The following CLIP2 variants were observed in gnomAD, a reference collection of about 807,000 sequenced individuals.
CLIP2 encodes the protein CAP-Gly domain containing linker protein 2, also known as CAP-Gly domain-containing linker protein 2.
Under a neutral mutation model 111.7 loss-of-function variants are expected in CLIP2, and 41 were observed. The observed-to-expected ratio is 0.37, with a 90% CI of 0.29 to 0.48. The LOEUF (loss-of-function observed/expected upper bound fraction) is 0.48. Among genes scored for constraint, CLIP2 ranks in the 20% least tolerant of loss-of-function variants. CLIP2 has a pLI of 0.99. For synonymous variants in CLIP2, 660 were observed against 644.2 expected, an observed-to-expected ratio of 1.02 and a Z score of -0.37; for missense variants, 1,160 against 1,422.1, an observed-to-expected ratio of 0.82 and a Z score of 2.96.
intron 14 of CLIP2, among the ~76,000 whole-genome samples, chr7:74,399,535 CT>C (rs1320207309): frequency 5.8e-5 from 3 of 51,898 alleles, no homozygotes; most frequent in African/African-American, 3.0e-4. Flanking sequence ...GAGACTCAGT[CT>C]TTTTTTGGGG....
chr7:74,402,672 A>G (rs1554317929), intron 16 of CLIP2, among the ~76,000 whole-genome samples: 1 of 152,130 alleles, frequency 6.6e-6, no homozygotes, highest in Non-Finnish European at 1.5e-5. Flanking sequence ...AGCCTTGGTG[A>G]TAAAGTGAGA....
chr7:74,325,482 A>G (rs1789083241), intron 2 of CLIP2, among the ~76,000 whole-genome samples: 2 of 152,062 alleles, frequency 1.3e-5, no homozygotes, highest in African/African-American at 4.8e-5. Context: ...GATGAGCAGG[A>G]GTCGCCCCAG....
intron 11 of CLIP2, among the ~76,000 whole-genome samples, chr7:74,383,127 G>A (rs1790993130): frequency 6.8e-6 from 1 of 147,682 alleles, no homozygotes; most frequent in Non-Finnish European, 1.5e-5. Context: ...TTTAAAAAAT[G>A]TATCCAGTGG....
chr7:74,397,281 G>A, intron 14 of CLIP2, 48 bp downstream of exon 14: 1 of 1,583,612 alleles, frequency 6.3e-7, no homozygotes, highest in Non-Finnish European at 8.6e-7. Flanking sequence ...AGTCCGGGTG[G>A]GGCTGGGCTA....
intron 9 of CLIP2, among the ~76,000 whole-genome samples, chr7:74,373,304 C>T (rs1250987236): frequency 2.6e-5 from 4 of 152,034 alleles, no homozygotes; most frequent in Non-Finnish European, 5.9e-5. Context: ...TCGAGACCAG[C>T]CTGGCCAACA....
intron 13 of CLIP2, chr7:74,389,506 C>T (rs1220424971): frequency 3.1e-6 from 1 of 323,980 alleles, no homozygotes; most frequent in Non-Finnish European, 5.5e-6. Flanking sequence ...CCTGTAATCC[C>T]AGCACTTTGG....
chr7:74,333,342 C>A (rs1554731628), intron 2 of CLIP2, among the ~76,000 whole-genome samples: 5 of 151,302 alleles, frequency 3.3e-5, no homozygotes, highest in African/African-American at 1.2e-4. Flanking sequence ...TGCCACCACG[C>A]CCAGCTAATT....
intron 13 of CLIP2, among the ~76,000 whole-genome samples, chr7:74,390,216 A>AGAAT (rs1554315644): frequency 3.6e-5 from 3 of 82,456 alleles, no homozygotes; most frequent in African/African-American, 1.3e-4. Context: ...AAAGAAAGAA[A>AGAAT]GAAAGAAAGG....
intron 2 of CLIP2, among the ~76,000 whole-genome samples, chr7:74,321,653 A>G (rs1788955884): frequency 6.6e-6 from 1 of 151,998 alleles, no homozygotes; most frequent in Admixed American, 6.6e-5. Flanking sequence ...TATTTTTAGT[A>G]GAGACAGGGT....
chr7:74,339,090 G>T, intron 3 of CLIP2, 86 bp downstream of exon 3: 10 of 1,361,908 alleles, frequency 7.3e-6, no homozygotes, highest in Non-Finnish European at 9.9e-6. Flanking sequence ...ACCCCCCTGG[G>T]CTGGGCAGGG....
At chr7:74,323,715 T>A (rs1554730304) in intron 2 of CLIP2, among the ~76,000 whole-genome samples, 2 of 151,874 alleles carry the variant, frequency 1.3e-5, no homozygotes, top group Non-Finnish European at 2.9e-5. Context: ...CATGAGCCAG[T>A]GCGCCTGGCC....
At chr7:74,385,322 C>T (rs13243672) in intron 11 of CLIP2, among the ~76,000 whole-genome samples, 29,741 of 150,920 alleles carry the variant, frequency 0.2, 3,377 homozygotes, top group Middle Eastern at 0.32. Flanking sequence ...AAAAATTAGC[C>T]AGATGTGGTG....
In CLIP2 at chr7:74,317,645, G is replaced by A. The variant is rs546719302; in HGVS notation, c.99G>A (p.Ala33=). Residue 33 remains alanine, a synonymous_variant, in exon 2 of 17, where the codon GCG becomes GCA. Coordinates refer to ENST00000223398, the MANE Select transcript of CLIP2 (RefSeq NM_003388.5). ...TSTGSASSSA[A]VAASSKEGSP... is the part of the protein sequence containing the mutation. ...CTGGGTCAGCTTCATCCTCGGCGGC[G>A]GTGGCCGCTAGCTCCAAGGAAGGTA... is the stretch of plus-strand genomic sequence containing the variant. 1.8e-4 allele frequency: 270 copies of A among 1,511,418 alleles called. No individual in the cohort carries two copies. Among genetic ancestry groups the A allele is most frequent in the East Asian group, 2.3e-4 (9 of 39,076 alleles). 93.6% of individuals were successfully genotyped at this position (1,511,418 alleles called of 1,614,324 possible).
chr7:74,392,848 T>A (rs1268602860), intron 13 of CLIP2, among the ~76,000 whole-genome samples: 4 of 152,068 alleles, frequency 2.6e-5, no homozygotes, highest in South Asian at 2.1e-4. Flanking sequence ...AACACAATTT[T>A]AAAAAATAAC....
In CLIP2 at chr7:74,338,656, C is replaced by T. The variant is rs782280082; in HGVS notation, c.330C>T (p.Gly110=). The change falls in exon 3 of 17, where the codon GGC becomes GGT. Residue 110 remains glycine, a synonymous_variant. Transcript: ENST00000223398. The surrounding 1 kb of genome is among the most constrained non-coding windows in gnomAD (Gnocchi z 4.3). ...ETQFAPGQWA[G]VVLDDPVGKN... is the part of the protein sequence containing the mutation. ...AGTTCGCACCGGGCCAGTGGGCTGG[C>T]GTGGTGCTGGACGACCCGGTGGGCA... 3 of 1,572,250 alleles carry T rather than the reference C, an allele frequency of 1.9e-6. No homozygotes were observed. The highest frequency in any genetic ancestry group is 2.4e-5 in the East Asian group (1 of 42,340).
Position 74,404,803 on chromosome 7 carries a change from A to G in CLIP2, c.*955A>G, listed in dbSNP as rs1226017919. ...ATGTACACACCACGTTCACACACACACAGAGGGACCACGTGTGCACGCATG... is the reference window on the plus strand; with the variant it reads ...ATGTACACACCACGTTCACACACACGCAGAGGGACCACGTGTGCACGCATG... On this transcript the variant is annotated 3_prime_UTR_variant, in exon 17 of 17. Coordinates refer to ENST00000223398, the MANE Select transcript of CLIP2 (RefSeq NM_003388.5). 6.6e-6 allele frequency: 1 copy of G among 152,180 alleles called. No homozygotes were observed. Among genetic ancestry groups the G allele is most frequent in the Non-Finnish European group, 1.5e-5 (1 of 68,050 alleles). 9.4% of individuals were successfully genotyped at this position (152,180 alleles called of 1,614,324 possible).
intron 11 of CLIP2, among the ~76,000 whole-genome samples, chr7:74,385,253 C>T (rs1791054243): frequency 1.3e-5 from 2 of 151,460 alleles, no homozygotes. Context: ...TGAGATGGCG[C>T]CACTGCACTC....
intron 2 of CLIP2, among the ~76,000 whole-genome samples, chr7:74,335,532 G>T (rs1789424781): frequency 6.7e-6 from 1 of 150,232 alleles, no homozygotes; most frequent in Middle Eastern, 3.4e-3. Flanking sequence ...AGAGATGGGG[G>T]TCTTGCTATG....
At position 74,404,874 on chromosome 7, in the gene CLIP2, CAG is replaced by C. The variant is rs1387762509; in HGVS notation, c.*1030_*1031del. On this transcript the variant is annotated 3_prime_UTR_variant, in exon 17 of 17. Coordinates refer to ENST00000223398, the MANE Select transcript of CLIP2 (RefSeq NM_003388.5). ...TGCTGTGAACCACGCTCAGGCCACACAGAGACACATACTTGGTTTCTGGGACT... is the reference window on the plus strand; with the variant it reads ...TGCTGTGAACCACGCTCAGGCCACACAGACACATACTTGGTTTCTGGGACT... 2 of 152,232 alleles carry C rather than the reference CAG, an allele frequency of 1.3e-5. No homozygotes were observed. The highest frequency in any genetic ancestry group is 2.9e-5 in the Non-Finnish European group (2 of 68,086). The allele number at this position is 152,232 out of a possible 1,614,324, so 9.4% of individuals were successfully genotyped here. A position where few individuals can be genotyped will look rare whatever the true frequency, so the allele number is the denominator to read the frequency against.
Sources: allele counts gnomAD v4.1 joint callset (sites outside exome capture counted in the v4.1 genomes callset), GRCh38; gene constraint gnomAD v4.1.1; non-coding constraint Gnocchi (gnomAD v3.1); transcripts MANE v1.5; gene names NCBI Gene and HGNC (gene_info 2026-07-23, HGNC 2026-07-21).